The following GPLD1 variants were observed in gnomAD, a reference collection of about 807,000 sequenced individuals.
GPLD1 encodes the protein phosphatidylinositol-glycan-specific phospholipase D.
Under a neutral mutation model 112.6 loss-of-function variants are expected in GPLD1, and 84 were observed. That is an observed-to-expected ratio of 0.75 (90% CI 0.63 to 0.89). GPLD1 has a LOEUF of 0.89. GPLD1 is among the 40% of genes least tolerant of loss of function. The pLI is 0.00. For missense variants in GPLD1, 1,044 were observed against 1,051.5 expected (o/e 0.99, Z 0.10); for synonymous variants, 386 against 403.8 (o/e 0.96, Z 0.53).
intron 7 of GPLD1, among the ~76,000 whole-genome samples, chr6:24,470,393 A>G (rs1258757450): frequency 6.6e-6 from 1 of 152,198 alleles, no homozygotes; most frequent in African/African-American, 2.4e-5. Flanking sequence ...AATGTACCTA[A>G]CAATATATCT....
chr6:24,473,544 T>C lies in GPLD1; in HGVS notation c.490+75A>G, dbSNP rs757545778. The C allele has an allele frequency of 1.1e-4, 101 of 895,704 alleles. No homozygotes were observed. Among genetic ancestry groups the C allele is most frequent in the Admixed American group, 1.6e-4 (9 of 54,694 alleles). The allele number at this position is 895,704 out of a possible 1,614,324, so 55.5% of individuals were successfully genotyped here. Reference sequence around the variant, plus strand: ...CAGCAAAATATTAAAGACACACATATTTAAAGCACAGTAGTGATGTCATTA... The same window carrying C: ...CAGCAAAATATTAAAGACACACATACTTAAAGCACAGTAGTGATGTCATTA... On this transcript the variant is annotated intron_variant, in intron 6 of 24. Transcript: ENST00000230036.
intron 18 of GPLD1, 65 bp from the exon 19 acceptor site, chr6:24,445,896 G>A (rs1043629722): frequency 1.0e-5 from 12 of 1,183,710 alleles, no homozygotes; most frequent in Non-Finnish European, 1.5e-5. Flanking sequence ...AGGTACTCAG[G>A]AGCAAGGAAA....
chr6:24,442,751 T>A (rs1762789508), intron 20 of GPLD1, among the ~76,000 whole-genome samples: 1 of 151,834 alleles, frequency 6.6e-6, no homozygotes, highest in Admixed American at 6.6e-5. Context: ...GCCCAATTTT[T>A]AAAATTTTTT....
rs112370116 is a variant in GPLD1, at chr6:24,462,989, T to A, written c.822-194A>T. Among the ~76,000 whole-genome samples, 533 of 152,274 alleles carry A rather than the reference T, an allele frequency of 3.5e-3. 5 individuals carry two copies. The highest frequency in any genetic ancestry group is 0.011 in the African/African-American group (454 of 41,568). On this transcript the variant is annotated intron_variant, in intron 10 of 24. Transcript: ENST00000230036. ...CTGACGGTTGTCACTATCATGGTAA[T>A]CCAGGAAGGCTCATGCTGCCAGTCA...
At position 24,437,171 on chromosome 6, in the gene GPLD1, G is replaced by A. The variant is rs369479070; in HGVS notation, c.2139C>T (p.Arg713=). The change falls in exon 21 of 25, where the codon CGC becomes CGT. Residue 713 remains arginine, a synonymous_variant. Transcript: ENST00000230036. ...GAACGCCACCAAATCGGGAGAAGCGGCGGTCTCCGCTGAAGGTGCTGAGCA... is the reference window on the plus strand; with the variant it reads ...GAACGCCACCAAATCGGGAGAAGCGACGGTCTCCGCTGAAGGTGCTGAGCA... ...PLLLSTFSGD[R]RFSRFGGVLH... 4.6e-5 allele frequency: 74 copies of A among 1,614,204 alleles called. No individual in the cohort carries two copies. In the African/African-American group the frequency reaches 8.8e-4, roughly 19 times the overall value.
intron 12 of GPLD1, among the ~76,000 whole-genome samples, chr6:24,459,010 C>T (rs1021570890): frequency 4.6e-5 from 7 of 152,194 alleles, no homozygotes; most frequent in African/African-American, 1.4e-4. Context: ...GAGCCCACTA[C>T]AATCCAATGC....
In GPLD1 at chr6:24,486,086, T is replaced by C. The variant is rs761355766; in HGVS notation, c.142A>G (p.Asn48Asp). ...EFLQLHNGRVNYRELLLEHQD... is the reference protein window; with the variant it reads ...EFLQLHNGRVDYRELLLEHQD... ...ATCAAGATTTCTACCTCTCTGTAGT[T>C]AACACGCCCATTGTGAAGCTGAAGA... is the stretch of plus-strand genomic sequence containing the variant. The change falls in exon 2 of 25, where the codon AAC becomes GAC. Residue 48 changes from asparagine (N) to aspartate (D), a missense_variant. By Grantham distance (23) the Asn-to-Asp change is conservative. Coordinates refer to ENST00000230036, the MANE Select transcript of GPLD1 (RefSeq NM_001503.4). 4 of 1,592,740 alleles carry C rather than the reference T, an allele frequency of 2.5e-6. No individual in the cohort carries two copies. The African/African-American group carries it at 4.0e-5, about 16-fold the overall frequency.
In GPLD1 at chr6:24,453,151, A is replaced by T. The variant is rs550833713; in HGVS notation, c.1335+864T>A. ...TAGTCACTGCGGGTTTTTTCAGGTG[A>T]TGAATAACCACTTAGGACAAAAGAA... On this transcript the variant is annotated intron_variant, in intron 14 of 24. Coordinates refer to ENST00000230036, the MANE Select transcript of GPLD1 (RefSeq NM_001503.4). 3.9e-5 allele frequency among the ~76,000 whole-genome samples: 6 copies of T among 152,326 alleles called. No individual in the cohort carries two copies. The East Asian group carries it at 1.2e-3, about 29-fold the overall frequency.
chr6:24,455,645 G>T lies in GPLD1; in HGVS notation c.1148+853C>A, dbSNP rs554407640. ...CATGGTATACCAGCTTTTACCATAT[G>T]AAGTTACAATATTTAAATCACTATA... On this transcript the variant is annotated intron_variant, in intron 13 of 24. Transcript: ENST00000230036. 1.6e-4 allele frequency among the ~76,000 whole-genome samples: 25 copies of T among 152,218 alleles called. 1 individual carries two copies. The South Asian group carries it at 4.8e-3, about 29-fold the overall frequency.
intron 5 of GPLD1, 61 bp from the exon 6 acceptor site, chr6:24,473,728 C>T (rs2074395658): frequency 9.0e-7 from 1 of 1,105,518 alleles, no homozygotes; most frequent in Admixed American, 1.9e-5. Context: ...CTCTTACTTC[C>T]ACAGTCAAGC....
In GPLD1 at chr6:24,440,280, C is replaced by A. The variant is rs143788465; in HGVS notation, c.2021-2991G>T. Among the ~76,000 whole-genome samples the A allele has an allele frequency of 3.9e-5, 6 of 152,164 alleles. No homozygotes were observed. The East Asian group carries it at 9.7e-4, about 25-fold the overall frequency. On this transcript the variant is annotated intron_variant, in intron 20 of 24. Transcript: ENST00000230036. ...GACCAGCCTGGGAAATGCAGTGAGA[C>A]CCCATCACTACAAAAAGTAGGGTGT...
chr6:24,494,960 CG>C (rs1764656137), intron 1 of GPLD1: 2 of 1,294,504 alleles, frequency 1.5e-6, no homozygotes, highest in South Asian at 3.0e-5. Context: ...CGCGCGCGCC[CG>C]CTTGCCTGTT....
intron 10 of GPLD1, among the ~76,000 whole-genome samples, chr6:24,463,800 T>A (rs9467175): frequency 0.059 from 8,948 of 152,298 alleles, 827 homozygotes; most frequent in African/African-American, 0.2. Context: ...GTTATGAATT[T>A]TTTTGTGTTG....
intron 2 of GPLD1, among the ~76,000 whole-genome samples, chr6:24,485,672 CTCTT>C (rs906343231): frequency 1.2e-4 from 17 of 147,254 alleles, no homozygotes; most frequent in African/African-American, 4.1e-4. Flanking sequence ...AATAATGAGT[CTCTT>C]TTTTTTTTTT....
intron 10 of GPLD1, among the ~76,000 whole-genome samples, chr6:24,463,533 G>C (rs1342203451): frequency 6.6e-6 from 1 of 152,162 alleles, no homozygotes; most frequent in Non-Finnish European, 1.5e-5. Flanking sequence ...CTCTGGCCAG[G>C]TTTGAGCTGA....
chr6:24,474,079 T>C (rs571992292), intron 5 of GPLD1, among the ~76,000 whole-genome samples: 9 of 151,658 alleles, frequency 5.9e-5, no homozygotes, highest in Non-Finnish European at 1.3e-4. Flanking sequence ...TGAGCCGAGA[T>C]TGCACCACTG....
chr6:24,450,616 G>A (rs1763050834), intron 14 of GPLD1, among the ~76,000 whole-genome samples: 1 of 152,212 alleles, frequency 6.6e-6, no homozygotes, highest in African/African-American at 2.4e-5. Flanking sequence ...TGACCAAGGT[G>A]GTAGCCCCTA....
downstream of GPLD1, chr6:24,425,470 T>C (rs1015613722): frequency 3.6e-4 from 55 of 152,378 alleles, no homozygotes; most frequent in African/African-American, 1.3e-3. Context: ...TTATAGAATT[T>C]CTGAAGGTGG....
At chr6:24,482,160 C>T (rs991844572) in intron 2 of GPLD1, among the ~76,000 whole-genome samples, 6 of 137,012 alleles carry the variant, frequency 4.4e-5, no homozygotes, top group East Asian at 2.1e-4. Context: ...AGTGCAGTGG[C>T]GTGATCTCAG....
Sources: gnomAD v4.1 joint callset for allele counts (sites outside exome capture counted in the v4.1 genomes callset) on GRCh38, gnomAD v4.1.1 for gene constraint, MANE v1.5 for transcripts, NCBI Gene and HGNC (gene_info 2026-07-23, HGNC 2026-07-21) for gene names.